PANX2: variants seen among roughly 807,000 people sequenced by gnomAD.
PANX2 encodes the protein pannexin-2.
In PANX2, 30 loss-of-function variants were observed where a neutral mutation model predicts 38.7. That is an observed-to-expected ratio of 0.78 (90% CI 0.58 to 1.05). PANX2 has a LOEUF of 1.05. PANX2 is among the 50% of genes least tolerant of loss of function. The probability of loss-of-function intolerance (pLI) is 0.00; values close to 1 mark genes in which losing one functional copy is unlikely to be tolerated. For synonymous variants in PANX2, 539 were observed against 472.1 expected (o/e 1.14, Z -1.84); for missense variants, 880 against 979.3 (o/e 0.90, Z 1.35).
At position 50,177,106 on chromosome 22, in the gene PANX2, G is replaced by A. The variant is rs1476915731; in HGVS notation, c.394G>A (p.Ala132Thr). Reference protein sequence around the residue: ...KFLPYALLAFAAIMYVPALGW... With the variant: ...KFLPYALLAFTAIMYVPALGW... The stretch of plus-strand genomic sequence containing the variant: ...CCTGCCCTACGCGCTGCTGGCCTTC[G>A]CCGCCATCATGTACGTGCCCGCGCT... The change falls in exon 2 of 3, where the codon GCC becomes ACC. Residue 132 changes from alanine to threonine, a missense_variant. Ala to Thr is a moderately conservative substitution (Grantham distance 58). Around this residue, in one of 4 missense-constraint regions of PANX2, gnomAD observed 243 missense variants for 333.1 expected, o/e 0.73. Transcript: ENST00000395842. 1.2e-6 allele frequency: 2 copies of A among 1,610,062 alleles called. No individual in the cohort carries two copies. Among genetic ancestry groups the A allele is most frequent in the African/African-American group, 1.3e-5 (1 of 74,906 alleles).
At chr22:50,174,204 G>T (rs1005095165) in intron 1 of PANX2, among the ~76,000 whole-genome samples, 1 of 152,200 alleles carries the variant, frequency 6.6e-6, no homozygotes, top group African/African-American at 2.4e-5. Flanking sequence ...CTCCCCAGGT[G>T]GGAGGACAGG....
At position 50,178,047 on chromosome 22, in the gene PANX2, G is replaced by A; in HGVS notation, c.1335G>A (p.Glu445=). Residue 445 remains glutamate (E), a synonymous_variant, in exon 2 of 3, where the codon GAG becomes GAA. Transcript: ENST00000395842. ...ACCCGCTTCCGCAGCCCTTCAAGGA[G>A]CCGCTGGCCATCATGCGCGTGGAGA... ...TSNPLPQPFK[E]PLAIMRVENS... is the part of the protein sequence containing the mutation. The A allele has an allele frequency of 6.4e-7, 1 of 1,552,112 alleles. No individual in the cohort carries two copies. Among genetic ancestry groups the A allele is most frequent in the Non-Finnish European group, 8.7e-7 (1 of 1,155,958 alleles).
chr22:50,178,302 G>A lies in PANX2; in HGVS notation c.1590G>A (p.Glu530=). The A allele has an allele frequency of 1.3e-6, 2 of 1,522,866 alleles. No homozygotes were observed. Among genetic ancestry groups the A allele is most frequent in the Non-Finnish European group, 1.8e-6 (2 of 1,141,128 alleles). The allele number at this position is 1,522,866 out of a possible 1,614,324, so 94.3% of individuals were successfully genotyped here. Residue 530 remains glutamate (E), a synonymous_variant, in exon 2 of 3, where the codon GAG becomes GAA. Transcript: ENST00000395842. ...TCGGCACCAAGAAGGCCAAGGCCGAGGCGGTGCCCGCCGCCCTGCCCGCCT... is the reference window on the plus strand; with the variant it reads ...TCGGCACCAAGAAGGCCAAGGCCGAAGCGGTGCCCGCCGCCCTGCCCGCCT... ...YILGTKKAKA[E]AVPAALPASR... is the part of the protein sequence containing the mutation.
intron 1 of PANX2, among the ~76,000 whole-genome samples, chr22:50,171,284 G>C (rs1345474516): frequency 6.6e-6 from 1 of 152,228 alleles, no homozygotes; most frequent in East Asian, 1.9e-4. Context: ...AGCAGCGCCT[G>C]AGGGGATGCA....
rs1185308346 is a variant in PANX2, at chr22:50,177,209, A to T, written c.497A>T (p.His166Leu). Residue 166 changes from histidine to leucine, a missense_variant, in exon 2 of 3, where the codon CAC (histidine) becomes CTC (leucine). His to Leu is a moderately conservative substitution (Grantham distance 99). Transcript: ENST00000395842. ...CTGCAGGAGATCGACAACTGTTACC[A>T]CCGGGCGGCCGAGGGCCGCGCGCCC... Reference protein sequence around the residue: ...FLLQEIDNCYHRAAEGRAPKI... With the variant: ...FLLQEIDNCYLRAAEGRAPKI... 1.2e-6 allele frequency: 2 copies of T among 1,610,378 alleles called. No individual in the cohort carries two copies. Among genetic ancestry groups the T allele is most frequent in the Non-Finnish European group, 1.7e-6 (2 of 1,178,986 alleles).
At chr22:50,172,664 CA>C (rs1336999882) in intron 1 of PANX2, among the ~76,000 whole-genome samples, 5 of 152,264 alleles carry the variant, frequency 3.3e-5, no homozygotes, top group Non-Finnish European at 7.4e-5. Context: ...CTCAGCTTCC[CA>C]AAGTGCTGGG....
In PANX2 at chr22:50,177,368, G is replaced by A. The variant is rs751659014; in HGVS notation, c.656G>A (p.Arg219His). 2 of 1,609,138 alleles carry A rather than the reference G, an allele frequency of 1.2e-6. No individual in the cohort carries two copies. Among genetic ancestry groups the A allele is most frequent in the African/African-American group, 1.3e-5 (1 of 74,974 alleles). Residue 219 changes from arginine (R) to histidine (H), a missense_variant, in exon 2 of 3, where the codon CGC (arginine) becomes CAC (histidine). Physicochemically the swap from Arg to His is conservative, Grantham distance 29. This residue lies in a region of PANX2 where 243 missense variants were observed against 333.1 expected (regional missense o/e 0.73). Transcript: ENST00000395842. The stretch of plus-strand genomic sequence containing the variant: ...GAGAAGTACCTGGAGCGCCGCGGCC[G>A]CAGCAACTTCCTGGCCAAGCTGTAC... The part of the protein sequence containing the change: ...LFEKYLERRG[R>H]SNFLAKLYLA...
chr22:50,171,033 T>G, intron 1 of PANX2, 77 bp downstream of exon 1: 1 of 740,138 alleles, frequency 1.4e-6, no homozygotes, highest in Non-Finnish European at 2.0e-6. Context: ...GCTTCCCGCG[T>G]CCCCGGCGGC....
At position 50,179,378 on chromosome 22, in the gene PANX2, T is replaced by C; in HGVS notation, c.*101T>C. On this transcript the variant is annotated 3_prime_UTR_variant, in exon 3 of 3. Transcript: ENST00000395842. ...AGCCCTGCGTGGACGTGGCCTGTGCTTCGCCCGCACTGCGCGCATCCCCAA... is the reference window on the plus strand; with the variant it reads ...AGCCCTGCGTGGACGTGGCCTGTGCCTCGCCCGCACTGCGCGCATCCCCAA... 9.1e-7 allele frequency: 1 copy of C among 1,094,250 alleles called. No individual in the cohort carries two copies. The highest frequency in any genetic ancestry group is 1.3e-6 in the Non-Finnish European group (1 of 751,104). The allele number at this position is 1,094,250 out of a possible 1,614,324, so 67.8% of individuals were successfully genotyped here.
intron 1 of PANX2, among the ~76,000 whole-genome samples, chr22:50,173,627 G>A (rs190520994): frequency 5.6e-4 from 86 of 152,348 alleles, no homozygotes; most frequent in Admixed American, 4.0e-3. Flanking sequence ...CGCAGCCACC[G>A]CCAGGATTAG....
chr22:50,179,034 C>T lies in PANX2; in HGVS notation c.1791C>T (p.Ala597=). 6.2e-7 allele frequency: 1 copy of T among 1,611,140 alleles called. No homozygotes were observed. Among genetic ancestry groups the T allele is most frequent in the Non-Finnish European group, 8.5e-7 (1 of 1,179,220 alleles). ...TCCACGTCCGCTCACCTCCCGCCGC[C>T]CCTGCTGTGGCCCCTCTGACACCAG... ...GPFHVRSPPA[A]PAVAPLTPAS... The change falls in exon 3 of 3, where the codon GCC becomes GCT. Residue 597 remains alanine, a synonymous_variant. Transcript: ENST00000395842.
rs760698271 is a variant in PANX2 at position 50,176,976 on chromosome 22, G to A, written c.264G>A (p.Thr88=). 2 of 1,565,974 alleles carry A rather than the reference G, an allele frequency of 1.3e-6. No individual in the cohort carries two copies. The highest frequency in any genetic ancestry group is 1.2e-5 in the South Asian group (1 of 85,524). ...ACTGTTACACCCCGCACAACTTCAC[G>A]CGCGACCAGGCGCTGTACGCCCGCG... ...PIYCYTPHNF[T]RDQALYARGY... Residue 88 remains threonine (T), a synonymous_variant, in exon 2 of 3, where the codon ACG becomes ACA. Coordinates refer to ENST00000395842, the MANE Select transcript of PANX2 (RefSeq NM_052839.4).
intron 1 of PANX2, among the ~76,000 whole-genome samples, chr22:50,175,963 G>T (rs2063658981): frequency 4.6e-5 from 7 of 152,248 alleles, no homozygotes; most frequent in Admixed American, 4.6e-4. Flanking sequence ...GTGGGGAGGG[G>T]ATTGTGCTGA....
chr22:50,173,627 G>T (rs190520994), intron 1 of PANX2, among the ~76,000 whole-genome samples: 1 of 152,230 alleles, frequency 6.6e-6, no homozygotes, highest in South Asian at 2.1e-4. Context: ...CGCAGCCACC[G>T]CCAGGATTAG....
Position 50,179,220 on chromosome 22 carries a change from G to A in PANX2, c.1977G>A (p.Gln659=). Residue 659 remains glutamine, a synonymous_variant, in exon 3 of 3, where the codon CAG becomes CAA. Coordinates refer to ENST00000395842, the MANE Select transcript of PANX2 (RefSeq NM_052839.4). ...TCATCGCCATCCCTGCCCCACAGCA[G>A]ATCCTCATCGCCACCTTCGACGAGC... ...GDLIAIPAPQ[Q]ILIATFDEPR... 1.2e-6 allele frequency: 2 copies of A among 1,612,744 alleles called. No homozygotes were observed. The highest frequency in any genetic ancestry group is 1.7e-6 in the Non-Finnish European group (2 of 1,179,908).
At chr22:50,174,056 A>G (rs1258623904) in intron 1 of PANX2, among the ~76,000 whole-genome samples, 1 of 152,072 alleles carries the variant, frequency 6.6e-6, no homozygotes, top group Non-Finnish European at 1.5e-5. Flanking sequence ...AGGCCAGGGG[A>G]GTCGGGGAAG....
Position 50,178,340 on chromosome 22 carries a change from A to T in PANX2, c.1628A>T (p.Glu543Val), listed in dbSNP as rs2063677334. 1 of 1,498,510 alleles carries T rather than the reference A, an allele frequency of 6.7e-7. No individual in the cohort carries two copies. Among genetic ancestry groups the T allele is most frequent in the East Asian group, 2.6e-5 (1 of 38,164 alleles). 92.8% of individuals were successfully genotyped at this position (1,498,510 alleles called of 1,614,324 possible). A position where few individuals can be genotyped will look rare whatever the true frequency, so the allele number is the denominator to read the frequency against. Reference protein sequence around the residue: ...PAALPASRSQEGGFLSQAEDC... With the variant: ...PAALPASRSQVGGFLSQAEDC... ...GCCCTGCCCGCCTCCCGGAGCCAGG[A>T]GGGGGGCTTCCTGTCCCAGGCGGAG... Residue 543 changes from glutamate to valine, a missense_variant, in exon 2 of 3, where the codon GAG becomes GTG. By Grantham distance (121) the Glu-to-Val change is moderately radical. Transcript: ENST00000395842.
In PANX2 at chr22:50,171,823, G is replaced by C. The variant is rs188898393; in HGVS notation, c.226+867G>C. Among the ~76,000 whole-genome samples, 9 of 152,220 alleles carry C rather than the reference G, an allele frequency of 5.9e-5. No individual in the cohort carries two copies. In the East Asian group the frequency reaches 1.7e-3, roughly 29 times the overall value. ...TGGCCTGTGTGGCCCAGAGGTACTA[G>C]TCTGCAGCGGGGAGGGGTGTTGGGA... On this transcript the variant is annotated intron_variant, in intron 1 of 2. Transcript: ENST00000395842.
Position 50,178,419 on chromosome 22 carries a change from A to G in PANX2, c.1690+17A>G. 7.4e-7 allele frequency: 1 copy of G among 1,357,934 alleles called. No homozygotes were observed. Among genetic ancestry groups the G allele is most frequent in the Non-Finnish European group, 9.5e-7 (1 of 1,050,452 alleles). 84.1% of individuals were successfully genotyped at this position (1,357,934 alleles called of 1,614,324 possible). On this transcript the variant is annotated intron_variant, in intron 2 of 2. Coordinates refer to ENST00000395842, the MANE Select transcript of PANX2 (RefSeq NM_052839.4). The stretch of plus-strand genomic sequence containing the variant: ...CCATCAAAGGTAGGGGCAGGGCCGG[A>G]GAGAGGGGACGGGGGACTGGGGGTG...
Sources: gnomAD v4.1 joint callset for allele counts (sites outside exome capture counted in the v4.1 genomes callset) on GRCh38, gnomAD v4.1.1 for gene constraint, gnomAD v4.1.1 regional missense constraint, MANE v1.5 for transcripts, NCBI Gene and HGNC (gene_info 2026-07-23, HGNC 2026-07-21) for gene names.